The following JMJD1C variants were observed in gnomAD, a reference collection of about 807,000 sequenced individuals.
The protein encoded by JMJD1C is jumonji domain containing 1C, also known as jumonji domain-containing protein 1C.
A neutral mutation model predicts 245.3 loss-of-function variants in JMJD1C; 31 were observed. The observed-to-expected ratio is 0.13, with a 90% CI of 0.09 to 0.17. JMJD1C has a LOEUF of 0.17. JMJD1C is among the 10% of genes least tolerant of loss of function. The pLI is 1.00. For synonymous variants in JMJD1C, 1,057 were observed against 1,017.4 expected, an observed-to-expected ratio of 1.04 and a Z score of -0.74; for missense variants, 2,691 against 3,000.2, an observed-to-expected ratio of 0.90 and a Z score of 2.41.
Position 63,184,488 on chromosome 10 carries a change from C to T in JMJD1C, c.6961+120G>A, listed in dbSNP as rs141197246. The T allele has an allele frequency of 4.6e-4, 367 of 799,912 alleles. 1 individual carries two copies. The African/African-American group carries it at 5.6e-3, about 12-fold the overall frequency. 49.6% of individuals were successfully genotyped at this position (799,912 alleles called of 1,614,324 possible). ...CAATCTCCTGACCTCGTGATTCACC[C>T]GCCTTAGCCTCCCAAAGAGTGCTGG... On this transcript the variant is annotated intron_variant, in intron 21 of 25. Coordinates refer to ENST00000399262, the MANE Select transcript of JMJD1C (RefSeq NM_032776.3).
intron 1 of JMJD1C, among the ~76,000 whole-genome samples, chr10:63,482,813 G>C (rs942115603): frequency 1.9e-4 from 29 of 152,112 alleles, no homozygotes; most frequent in Non-Finnish European, 3.4e-4. Context: ...TGTGCGTGGG[G>C]ATCACATAAT....
chr10:63,485,824 T>C (rs886763347), intron 1 of JMJD1C, among the ~76,000 whole-genome samples: 1 of 152,182 alleles, frequency 6.6e-6, no homozygotes, highest in Non-Finnish European at 1.5e-5. Flanking sequence ...GGGCCTACTG[T>C]ATGCCAGGTA....
At chr10:63,481,534 GCTTT>G (rs1234248797) in intron 1 of JMJD1C, among the ~76,000 whole-genome samples, 1 of 151,672 alleles carries the variant, frequency 6.6e-6, no homozygotes, top group East Asian at 1.9e-4. Flanking sequence ...TCACTTAGAA[GCTTT>G]ATTTAACAAA....
At chr10:63,367,381 G>A (rs1945936099) in intron 2 of JMJD1C, among the ~76,000 whole-genome samples, 1 of 152,100 alleles carries the variant, frequency 6.6e-6, no homozygotes, top group African/African-American at 2.4e-5. Context: ...CGAGTAGCTA[G>A]GATTACAGGC....
chr10:63,176,680 G>A, intron 23 of JMJD1C: 1 of 495,186 alleles, frequency 2.0e-6, no homozygotes, highest in Non-Finnish European at 3.6e-6. Context: ...ATGCTGAAAT[G>A]CTCTTAACAG....
chr10:63,453,167 C>T lies in JMJD1C; in HGVS notation c.168+12328G>A, dbSNP rs999233886. Among the ~76,000 whole-genome samples the T allele has an allele frequency of 1.4e-4, 21 of 151,894 alleles. 1 individual carries two copies. The highest frequency in any genetic ancestry group is 8.5e-4 in the Admixed American group (13 of 15,254). On this transcript the variant is annotated intron_variant, in intron 1 of 25. Transcript: ENST00000399262. ...GCAGGTGCCTGTAACCACAGCTACT[C>T]GGGAGGCTGAGGCATGAGAATCGCT...
At chr10:63,505,184 G>A (rs1204257398) in intron 1 of JMJD1C, among the ~76,000 whole-genome samples, 8 of 152,044 alleles carry the variant, frequency 5.3e-5, no homozygotes, top group Admixed American at 5.2e-4. Flanking sequence ...GGGAATGGTG[G>A]CGGGCGCCTG....
chr10:63,458,866 G>A (rs934769899), intron 1 of JMJD1C, among the ~76,000 whole-genome samples: 4 of 151,970 alleles, frequency 2.6e-5, no homozygotes, highest in Non-Finnish European at 5.9e-5. Context: ...TGGGACCACA[G>A]GCACACACCA....
intron 2 of JMJD1C, among the ~76,000 whole-genome samples, chr10:63,344,329 C>T (rs1464315913): frequency 6.6e-6 from 1 of 152,144 alleles, no homozygotes; most frequent in Non-Finnish European, 1.5e-5. Flanking sequence ...ACATGCTACA[C>T]AGGTTTGTAG....
chr10:63,398,833 C>G (rs1000840562), intron 1 of JMJD1C, among the ~76,000 whole-genome samples: 2 of 152,054 alleles, frequency 1.3e-5, no homozygotes, highest in African/African-American at 4.8e-5. Flanking sequence ...TTAGTAGAGA[C>G]AGGGTTTCAC....
intron 2 of JMJD1C, among the ~76,000 whole-genome samples, chr10:63,375,267 G>A (rs1946641281): frequency 7.1e-6 from 1 of 141,308 alleles, no homozygotes; most frequent in African/African-American, 2.6e-5. Context: ...GCTCACTGCA[G>A]CCTTGAATTT....
intron 3 of JMJD1C, among the ~76,000 whole-genome samples, chr10:63,244,112 GAAGGACT>G (rs1338509323): frequency 6.6e-6 from 1 of 152,196 alleles, no homozygotes; most frequent in Non-Finnish European, 1.5e-5. Flanking sequence ...AGGAAGCAGA[GAAGGACT>G]ACCATCCCCA....
chr10:63,461,256 A>G (rs540695269), intron 1 of JMJD1C, among the ~76,000 whole-genome samples: 1 of 152,204 alleles, frequency 6.6e-6, no homozygotes, highest in Non-Finnish European at 1.5e-5. Flanking sequence ...CAAAAAAACC[A>G]ATTTTGCTAT....
chr10:63,260,739 G>A (rs550947296), intron 3 of JMJD1C, among the ~76,000 whole-genome samples: 2 of 111,614 alleles, frequency 1.8e-5, no homozygotes, highest in African/African-American at 4.4e-5. Flanking sequence ...ACAGGCGCCC[G>A]CCACCACGCC....
At position 63,214,044 on chromosome 10, in the gene JMJD1C, T is replaced by C. The variant is rs558454053; in HGVS notation, c.2123A>G (p.Asn708Ser). 23 of 1,614,180 alleles carry C rather than the reference T, an allele frequency of 1.4e-5. No individual in the cohort carries two copies. Among genetic ancestry groups the C allele is most frequent in the Non-Finnish European group, 1.9e-5 (22 of 1,179,990 alleles). Reference protein sequence around the residue: ...TTKSPLIIDKNEHFTVYRDPA... With the variant: ...TTKSPLIIDKSEHFTVYRDPA... ...ATCTCTGTAAACTGTAAAATGCTCATTTTTATCAATGATAAGAGGACTCTT... is the reference window on the plus strand; with the variant it reads ...ATCTCTGTAAACTGTAAAATGCTCACTTTTATCAATGATAAGAGGACTCTT... Residue 708 changes from asparagine to serine, a missense_variant, in exon 8 of 26, where the codon AAT becomes AGT. Transcript: ENST00000399262.
At chr10:63,353,436 A>G (rs1202076260) in intron 2 of JMJD1C, among the ~76,000 whole-genome samples, 1 of 152,226 alleles carries the variant, frequency 6.6e-6, no homozygotes, top group Non-Finnish European at 1.5e-5. Context: ...TATGCAAAGC[A>G]GGTGAAACGG....
chr10:63,482,725 T>C lies in JMJD1C; in HGVS notation n.113+39013A>G, dbSNP rs148116877. Among the ~76,000 whole-genome samples the C allele has an allele frequency of 3.3e-3, 499 of 152,344 alleles. 2 individuals carry two copies. Among genetic ancestry groups the C allele is most frequent in the African/African-American group, 0.011 (476 of 41,574 alleles). ...TCCTAGCTCCACCATTTACTAGCTG[T>C]GTTACCATGCAAATCACTTGATCTC... On this transcript the variant is annotated intron_variant and non_coding_transcript_variant, in intron 1 of 3. Coordinates refer to the JMJD1C transcript ENST00000633035.
intron 1 of JMJD1C, chr10:63,382,982 T>A (rs988527984): frequency 2.7e-6 from 1 of 371,462 alleles, no homozygotes; most frequent in African/African-American, 2.1e-5. Flanking sequence ...CCTATATTTT[T>A]AAGTGTAATA....
chr10:63,437,381 CCTCT>C (rs1052631054), intron 1 of JMJD1C, among the ~76,000 whole-genome samples: 2 of 152,094 alleles, frequency 1.3e-5, no homozygotes, highest in African/African-American at 4.8e-5. Flanking sequence ...CAAGCTCTTA[CCTCT>C]CTCTCACTAC....
Sources: gnomAD v4.1 joint callset for allele counts (sites outside exome capture counted in the v4.1 genomes callset) on GRCh38, gnomAD v4.1.1 for gene constraint, MANE v1.5 for transcripts, NCBI Gene and HGNC (gene_info 2026-07-23, HGNC 2026-07-21) for gene names.